Variants in FRMD6 observed in about 807,000 individuals in gnomAD.
FRMD6 encodes FERM domain containing 6.
FRMD6 carries 37 observed loss-of-function variants against 73.2 expected under a neutral mutation model. The ratio of observed to expected loss-of-function variants is 0.51; its 90% CI spans 0.39 to 0.66. The LOEUF is 0.66. FRMD6 is among the 30% of genes least tolerant of loss of function. The pLI is 0.00. For missense variants in FRMD6, 714 were observed against 780.5 expected, an observed-to-expected ratio of 0.91 and a Z score of 1.02; for synonymous variants, 273 against 282.2, an observed-to-expected ratio of 0.97 and a Z score of 0.33.
the FRMD6 span, among the ~76,000 whole-genome samples, chr14:51,481,415 T>G: frequency 1.3e-5 from 2 of 152,306 alleles, no homozygotes; most frequent in South Asian, 4.1e-4. Context: ...CTCGTGAGAC[T>G]TATTCACTAC....
At chr14:51,702,715 C>A in intron 5 of FRMD6, 127 bp downstream of exon 5, 1 of 701,068 alleles carries the variant, frequency 1.4e-6, no homozygotes, top group Non-Finnish European at 2.4e-6. Context: ...GTAGGAGCAG[C>A]AATTTTTTTC....
chr14:51,436,672 G>A, the FRMD6 span: 3 of 531,386 alleles, frequency 5.6e-6, no homozygotes, highest in Non-Finnish European at 1.0e-5. Flanking sequence ...CTGATGTAGG[G>A]GCTAATGAGT....
chr14:51,397,925 G>T, the FRMD6 span, among the ~76,000 whole-genome samples: 12 of 151,818 alleles, frequency 7.9e-5, no homozygotes, highest in Non-Finnish European at 1.3e-4. Flanking sequence ...TCAAATATTC[G>T]AAAACCCAAA....
the FRMD6 span, among the ~76,000 whole-genome samples, chr14:51,466,159 A>G: frequency 1.3e-5 from 2 of 152,156 alleles, no homozygotes; most frequent in Non-Finnish European, 2.9e-5. Flanking sequence ...TATAGGAATG[A>G]TTTATATATT....
At chr14:51,477,086 CAGA>C in the FRMD6 span, among the ~76,000 whole-genome samples, 1 of 152,114 alleles carries the variant, frequency 6.6e-6, no homozygotes. Context: ...AAACATATGG[CAGA>C]AGAAAACTTT....
chr14:51,595,069 G>A lies in FRMD6; in HGVS notation c.-147+24659G>A, dbSNP rs564080542. ...CTGGATTGTGCTAGACACCAAAGGA[G>A]GGAGCCTGTAGTTCTCATCCCGTTC... On this transcript the variant is annotated intron_variant, in intron 2 of 14. Coordinates refer to the FRMD6 transcript ENST00000356218. Among the ~76,000 whole-genome samples the A allele has an allele frequency of 2.6e-5, 4 of 152,302 alleles. No homozygotes were observed. In the South Asian group the frequency reaches 8.3e-4, roughly 32 times the overall value.
At chr14:51,451,660 C>T in the FRMD6 span, among the ~76,000 whole-genome samples, 4 of 152,292 alleles carry the variant, frequency 2.6e-5, no homozygotes, top group East Asian at 1.9e-4. Context: ...GAGTTACAGG[C>T]GTGAGCCATC....
the FRMD6 span, among the ~76,000 whole-genome samples, chr14:51,398,975 C>T: frequency 6.6e-6 from 1 of 152,164 alleles, no homozygotes; most frequent in Admixed American, 6.5e-5. Flanking sequence ...GGATCGGGCC[C>T]TAGCCTGATG....
intron 2 of FRMD6, among the ~76,000 whole-genome samples, chr14:51,603,200 T>C (rs1395826098): frequency 1.3e-5 from 2 of 152,182 alleles, no homozygotes; most frequent in African/African-American, 4.8e-5. Flanking sequence ...CACCTTGATA[T>C]TGGACTTCCC....
the FRMD6 span, among the ~76,000 whole-genome samples, chr14:51,416,093 C>CA: frequency 6.6e-6 from 1 of 151,974 alleles, no homozygotes; most frequent in Non-Finnish European, 1.5e-5. Flanking sequence ...TTGATCTTTT[C>CA]AAAAAACCAG....
At chr14:51,417,482 C>A in the FRMD6 span, among the ~76,000 whole-genome samples, 1 of 152,308 alleles carries the variant, frequency 6.6e-6, no homozygotes, top group East Asian at 1.9e-4. Context: ...TATTGGCCCC[C>A]ACTCTCTTCT....
intron 2 of FRMD6, among the ~76,000 whole-genome samples, chr14:51,619,893 C>T (rs1170350747): frequency 6.6e-6 from 1 of 152,098 alleles, no homozygotes; most frequent in Non-Finnish European, 1.5e-5. Flanking sequence ...CAGACAAGGC[C>T]TTTCCTTATG....
chr14:51,613,512 G>A (rs548503562), intron 2 of FRMD6, among the ~76,000 whole-genome samples: 2 of 152,274 alleles, frequency 1.3e-5, no homozygotes, highest in East Asian at 3.9e-4. Context: ...AGATATTATG[G>A]AGTCTGTGTG....
chr14:51,647,292 T>C (rs1369174795), upstream of FRMD6, among the ~76,000 whole-genome samples: 1 of 152,220 alleles, frequency 6.6e-6, no homozygotes, highest in Non-Finnish European at 1.5e-5. Context: ...CGTGCTATGC[T>C]GCCTCTGAAA....
intron 2 of FRMD6, among the ~76,000 whole-genome samples, chr14:51,616,241 G>A (rs147635279): frequency 4.6e-4 from 70 of 152,202 alleles, no homozygotes; most frequent in African/African-American, 1.2e-3. Context: ...TCTAATCCTC[G>A]GCTGTACACT....
chr14:51,644,028 C>T (rs1300099890), intron 2 of FRMD6, among the ~76,000 whole-genome samples: 2 of 152,030 alleles, frequency 1.3e-5, no homozygotes, highest in Non-Finnish European at 2.9e-5. Flanking sequence ...CAATCAACAT[C>T]ACAGAACATC....
At chr14:51,563,646 GGC>G (rs201893186) in intron 1 of FRMD6, among the ~76,000 whole-genome samples, 1,669 of 152,208 alleles carry the variant, frequency 0.011, 30 homozygotes, top group African/African-American at 0.039. Context: ...CTCCAGCCTA[GGC>G]AATAGAGCGA....
chr14:51,642,460 C>A (rs1481938837), intron 2 of FRMD6, among the ~76,000 whole-genome samples: 4 of 152,120 alleles, frequency 2.6e-5, no homozygotes, highest in Non-Finnish European at 5.9e-5. Context: ...TTGCTTGAAC[C>A]CGGAGGTGGA....
intron 3 of FRMD6, 60 bp from the exon 4 acceptor site, chr14:51,700,996 A>G: frequency 3.9e-6 from 3 of 768,060 alleles, no homozygotes; most frequent in Non-Finnish European, 5.9e-6. Flanking sequence ...TTCTTTCTAT[A>G]TTTTTTTTCT....
Sources: gnomAD v4.1 joint callset for allele counts (sites outside exome capture counted in the v4.1 genomes callset) on GRCh38, gnomAD v4.1.1 for gene constraint, MANE v1.5 for transcripts, NCBI Gene and HGNC (gene_info 2026-07-23, HGNC 2026-07-21) for gene names.